CDKAL1: variants seen among roughly 807,000 people sequenced by gnomAD.
CDKAL1 encodes the protein threonylcarbamoyladenosine tRNA methylthiotransferase.
A neutral mutation model predicts 68.2 loss-of-function variants in CDKAL1; 32 were observed. That is an observed-to-expected ratio of 0.47 (90% CI 0.35 to 0.63). The LOEUF (loss-of-function observed/expected upper bound fraction) is 0.63, where lower values mean the gene tolerates loss of function less well. Among genes scored for constraint, CDKAL1 ranks in the 30% least tolerant of loss-of-function variants. CDKAL1 has a pLI of 0.00. For synonymous variants in CDKAL1, 234 were observed against 244.3 expected, an observed-to-expected ratio of 0.96 and a Z score of 0.39; for missense variants, 606 against 696.7, an observed-to-expected ratio of 0.87 and a Z score of 1.47.
intron 9 of CDKAL1, among the ~76,000 whole-genome samples, chr6:20,855,016 G>A (rs1423935773): frequency 6.6e-6 from 1 of 152,210 alleles, no homozygotes; most frequent in Non-Finnish European, 1.5e-5. Flanking sequence ...AGTAATACCA[G>A]CTTGGCATTA....
At chr6:21,130,221 C>CTTTTTTTTTTTTT (rs10708944) in intron 13 of CDKAL1, among the ~76,000 whole-genome samples, 2 of 115,628 alleles carry the variant, frequency 1.7e-5, no homozygotes, top group Non-Finnish European at 3.5e-5. Flanking sequence ...TTGGACCTAA[C>CTTTTTTTTTTTTT]TTTTTTTTTT....
At chr6:20,616,839 C>CCACACACACACACA (rs756883799) in intron 4 of CDKAL1, among the ~76,000 whole-genome samples, 5,393 of 121,224 alleles carry the variant, frequency 0.044, 195 homozygotes, top group Non-Finnish European at 0.047. Context: ...CCCGACTCTA[C>CCACACACACACACA]CACACACACA....
At chr6:20,848,896 G>T (rs1394983520) in intron 9 of CDKAL1, among the ~76,000 whole-genome samples, 1 of 151,462 alleles carries the variant, frequency 6.6e-6, no homozygotes, top group Non-Finnish European at 1.5e-5. Context: ...GGGCTCAAGC[G>T]ATCCTCCTGC....
intron 5 of CDKAL1, among the ~76,000 whole-genome samples, chr6:20,739,203 A>G (rs970764190): frequency 1.3e-4 from 20 of 152,224 alleles, no homozygotes; most frequent in African/African-American, 4.6e-4. Flanking sequence ...TAGCTTGCCT[A>G]TCTGGAAAAT....
At chr6:20,645,510 T>A (rs1262519934) in intron 4 of CDKAL1, among the ~76,000 whole-genome samples, 4 of 151,964 alleles carry the variant, frequency 2.6e-5, no homozygotes. Flanking sequence ...GGCAGGTAGA[T>A]CACGAGGTCA....
chr6:20,631,170 C>T (rs62397571), intron 4 of CDKAL1, among the ~76,000 whole-genome samples: 5,676 of 151,240 alleles, frequency 0.038, 124 homozygotes, highest in Middle Eastern at 0.071. Context: ...CCACCTGTTA[C>T]GCCTCTGTGA....
chr6:20,956,162 A>G (rs1384135115), intron 10 of CDKAL1, among the ~76,000 whole-genome samples: 1 of 152,236 alleles, frequency 6.6e-6, no homozygotes, highest in Non-Finnish European at 1.5e-5. Context: ...ATCCCTGAAT[A>G]CATGACATTT....
At chr6:20,888,451 T>C (rs1313550282) in intron 9 of CDKAL1, among the ~76,000 whole-genome samples, 2 of 150,260 alleles carry the variant, frequency 1.3e-5, no homozygotes, top group African/African-American at 2.5e-5. Context: ...ACATGTGCCA[T>C]GTTGGTGTAC....
At chr6:21,083,016 G>A (rs984175588) in intron 12 of CDKAL1, among the ~76,000 whole-genome samples, 1 of 151,540 alleles carries the variant, frequency 6.6e-6, no homozygotes, top group African/African-American at 2.4e-5. Flanking sequence ...TGGGACTACA[G>A]GCATGCACCA....
At chr6:20,950,033 A>G (rs567640484) in intron 9 of CDKAL1, among the ~76,000 whole-genome samples, 3 of 152,026 alleles carry the variant, frequency 2.0e-5, no homozygotes, top group Non-Finnish European at 2.9e-5. Flanking sequence ...CAAGTGATCC[A>G]CTTGTCTCAG....
At chr6:20,804,471 C>T (rs1333695420) in intron 8 of CDKAL1, among the ~76,000 whole-genome samples, 1 of 152,120 alleles carries the variant, frequency 6.6e-6, no homozygotes, top group African/African-American at 2.4e-5. Context: ...ATAGTTTTTA[C>T]ATTTTTTAAA....
At chr6:21,009,095 G>A (rs1366256597) in intron 11 of CDKAL1, among the ~76,000 whole-genome samples, 3 of 152,064 alleles carry the variant, frequency 2.0e-5, no homozygotes, top group Non-Finnish European at 4.4e-5. Context: ...TTCTCACAAT[G>A]GCACATATTA....
chr6:21,124,485 TG>T (rs1432194566), intron 13 of CDKAL1, among the ~76,000 whole-genome samples: 2 of 152,022 alleles, frequency 1.3e-5, no homozygotes, highest in Non-Finnish European at 2.9e-5. Context: ...AATTCATCAC[TG>T]TATTTATTAC....
chr6:21,091,861 T>C (rs1398009567), intron 12 of CDKAL1, among the ~76,000 whole-genome samples: 4 of 2,106 alleles, frequency 1.9e-3, no homozygotes, highest in African/African-American at 3.8e-3. Context: ...AACTTTCTTT[T>C]TTTTTTTTTT....
At chr6:20,612,900 A>G (rs1419884358) in intron 4 of CDKAL1, among the ~76,000 whole-genome samples, 2 of 151,772 alleles carry the variant, frequency 1.3e-5, no homozygotes, top group African/African-American at 2.4e-5. Flanking sequence ...TTCAAAGGGA[A>G]CCAAAACCCA....
chr6:20,645,929 G>A (rs1768432297), intron 4 of CDKAL1, among the ~76,000 whole-genome samples: 1 of 151,702 alleles, frequency 6.6e-6, no homozygotes, highest in African/African-American at 2.4e-5. Flanking sequence ...TTGTCCCACT[G>A]GAAGATCTTC....
chr6:21,176,180 G>C (rs1247506321), intron 13 of CDKAL1, among the ~76,000 whole-genome samples: 1 of 152,230 alleles, frequency 6.6e-6, no homozygotes, highest in Non-Finnish European at 1.5e-5. Context: ...ACATCCTTAG[G>C]TGGAACAGAT....
At chr6:20,791,683 A>C (rs1419196339) in intron 8 of CDKAL1, among the ~76,000 whole-genome samples, 1 of 152,124 alleles carries the variant, frequency 6.6e-6, no homozygotes, top group Non-Finnish European at 1.5e-5. Flanking sequence ...CTGTGTATCT[A>C]TGTTGTATTG....
rs1001493653 is a variant in CDKAL1 at position 20,708,475 on chromosome 6, T to C, written c.372-31044T>C. 3.9e-5 allele frequency among the ~76,000 whole-genome samples: 6 copies of C among 152,360 alleles called. No individual in the cohort carries two copies. The South Asian group carries it at 8.3e-4, about 21-fold the overall frequency. Reference sequence around the variant, plus strand: ...GATTGGATTTAGCTCAACCCTGGAATGTGTGTTACAGTGTGGTGGGTTTTG... The same window carrying C: ...GATTGGATTTAGCTCAACCCTGGAACGTGTGTTACAGTGTGGTGGGTTTTG... On this transcript the variant is annotated intron_variant, in intron 5 of 15. Coordinates refer to ENST00000274695, the MANE Select transcript of CDKAL1 (RefSeq NM_017774.3).
Sources: gnomAD v4.1 joint callset for allele counts (sites outside exome capture counted in the v4.1 genomes callset) on GRCh38, gnomAD v4.1.1 for gene constraint, MANE v1.5 for transcripts, NCBI Gene and HGNC (gene_info 2026-07-23, HGNC 2026-07-21) for gene names.